Variants in PHF24 observed in about 807,000 individuals in gnomAD.
PHF24 encodes the protein Galpha inhibitory interacting protein.
PHF24 carries 25 observed loss-of-function variants against 42.6 expected under a neutral mutation model. The ratio of observed to expected loss-of-function variants is 0.59; its 90% CI spans 0.43 to 0.82. The LOEUF (loss-of-function observed/expected upper bound fraction) is 0.82, where lower values mean the gene tolerates loss of function less well. Among genes scored for constraint, PHF24 ranks in the 40% least tolerant of loss-of-function variants. PHF24 has a pLI of 0.00. For missense variants in PHF24, 470 were observed against 538.1 expected, an observed-to-expected ratio of 0.87 and a Z score of 1.25; for synonymous variants, 185 against 204.8, an observed-to-expected ratio of 0.90 and a Z score of 0.83.
At chr9:34,928,058 A>G in the PHF24 span, among the ~76,000 whole-genome samples, 242 of 152,214 alleles carry the variant, frequency 1.6e-3, 1 homozygote, top group African/African-American at 5.5e-3. Context: ...TCTACTAAAA[A>G]TACAAAAATT....
chr9:34,977,580 C>G lies in PHF24; in HGVS notation c.1045C>G (p.Pro349Ala), dbSNP rs550720166. The change falls in exon 7 of 8, where the codon CCA becomes GCA. Residue 349 changes from proline to alanine, a missense_variant. Coordinates refer to ENST00000242315, the Ensembl canonical transcript of PHF24. ...TGTGGGTCCCATCGCAGATAGCAGC[C>G]CAGCCAGCAGCAGCAGCAAGAGTCA... 8.7e-5 allele frequency: 140 copies of G among 1,610,254 alleles called. 2 individuals are homozygous for G. In the South Asian group the frequency reaches 1.5e-3, roughly 17 times the overall value.
chr9:34,740,887 TCTC>T, the PHF24 span, among the ~76,000 whole-genome samples: 1 of 151,562 alleles, frequency 6.6e-6, no homozygotes, highest in Non-Finnish European at 1.5e-5. Flanking sequence ...TTTCTCTCTC[TCTC>T]TTTTTTTTTT....
the PHF24 span, among the ~76,000 whole-genome samples, chr9:34,736,364 T>A: frequency 0.025 from 3,822 of 152,294 alleles, 92 homozygotes; most frequent in Non-Finnish European, 0.041. Flanking sequence ...TGGAGTGCAG[T>A]GGCACAATGA....
the PHF24 span, among the ~76,000 whole-genome samples, chr9:34,764,202 G>C: frequency 6.6e-6 from 1 of 152,252 alleles, no homozygotes; most frequent in Admixed American, 6.5e-5. Context: ...TCAGGATGAT[G>C]CTGGCCTCAT....
the PHF24 span, among the ~76,000 whole-genome samples, chr9:34,903,300 T>C: frequency 6.6e-6 from 1 of 152,126 alleles, no homozygotes; most frequent in Admixed American, 6.6e-5. Context: ...AGGACAGTAA[T>C]AAAATAAATT....
chr9:34,910,360 T>C, the PHF24 span, among the ~76,000 whole-genome samples: 4 of 152,174 alleles, frequency 2.6e-5, no homozygotes, highest in Admixed American at 2.0e-4. Flanking sequence ...GTCACTCTGT[T>C]ATTACGTGCA....
At chr9:34,875,070 C>CT in the PHF24 span, among the ~76,000 whole-genome samples, 7 of 152,228 alleles carry the variant, frequency 4.6e-5, no homozygotes, top group African/African-American at 1.4e-4. Flanking sequence ...TTAATTCTAT[C>CT]TTTTTGAACC....
At chr9:34,929,976 A>G in the PHF24 span, among the ~76,000 whole-genome samples, 1 of 152,176 alleles carries the variant, frequency 6.6e-6, no homozygotes, top group Non-Finnish European at 1.5e-5. Context: ...TTTGCATTTC[A>G]TGCTTAATTT....
At chr9:34,823,182 G>A in the PHF24 span, among the ~76,000 whole-genome samples, 8 of 129,564 alleles carry the variant, frequency 6.2e-5, no homozygotes, top group Admixed American at 2.7e-4. Context: ...CGGCCTGGGC[G>A]ACATAGCGAG....
intron 3 of PHF24, 78 bp from the exon 4 acceptor site, chr9:34,976,074 T>A: frequency 1.0e-6 from 1 of 984,484 alleles, no homozygotes; most frequent in East Asian, 2.4e-5. Context: ...CCAGTTGAAA[T>A]TCTATTTCTA....
At chr9:34,896,924 G>C in the PHF24 span, among the ~76,000 whole-genome samples, 1 of 152,108 alleles carries the variant, frequency 6.6e-6, no homozygotes, top group Non-Finnish European at 1.5e-5. Flanking sequence ...GGGAAGCTGA[G>C]GCAGGCGGAT....
chr9:34,932,193 T>C, the PHF24 span, among the ~76,000 whole-genome samples: 1 of 152,306 alleles, frequency 6.6e-6, no homozygotes, highest in Non-Finnish European at 1.5e-5. Context: ...ATAGCCAATA[T>C]TCCCCTGGGC....
chr9:34,851,154 C>T, the PHF24 span, among the ~76,000 whole-genome samples: 1 of 152,148 alleles, frequency 6.6e-6, no homozygotes, highest in African/African-American at 2.4e-5. Flanking sequence ...ACATTTAAGT[C>T]TGCAGAGGTT....
the PHF24 span, among the ~76,000 whole-genome samples, chr9:34,864,660 T>A: frequency 6.6e-6 from 1 of 151,952 alleles, no homozygotes; most frequent in Non-Finnish European, 1.5e-5. Flanking sequence ...AGTACTTCAA[T>A]CAGAAAGAAA....
the PHF24 span, among the ~76,000 whole-genome samples, chr9:34,868,708 A>G: frequency 1.3e-5 from 2 of 152,206 alleles, no homozygotes; most frequent in African/African-American, 4.8e-5. Context: ...AGAGAGAGGT[A>G]AAGGAGGGAG....
chr9:34,721,399 TTCTCTCTCTCTCTC>T, the PHF24 span, among the ~76,000 whole-genome samples: 7 of 139,340 alleles, frequency 5.0e-5, no homozygotes, highest in Admixed American at 1.4e-4. Context: ...TGTCTTTCCA[TTCTCTCTCTCTCTC>T]TCTCTCTCTC....
At chr9:34,939,280 A>AAAT in the PHF24 span, among the ~76,000 whole-genome samples, 5 of 152,304 alleles carry the variant, frequency 3.3e-5, no homozygotes. Flanking sequence ...ACTCCATCTC[A>AAAT]AATAATAATA....
At chr9:34,815,408 C>T in the PHF24 span, among the ~76,000 whole-genome samples, 42 of 152,192 alleles carry the variant, frequency 2.8e-4, no homozygotes, top group African/African-American at 8.9e-4. Flanking sequence ...CTGCGAGCTC[C>T]GCCTCCTGGG....
the PHF24 span, among the ~76,000 whole-genome samples, chr9:34,875,313 T>A: frequency 6.6e-6 from 1 of 152,184 alleles, no homozygotes; most frequent in Non-Finnish European, 1.5e-5. Context: ...GTAACCAACT[T>A]TAAACAAAAT....
Sources: gnomAD v4.1 joint callset for allele counts (sites outside exome capture counted in the v4.1 genomes callset) on GRCh38, gnomAD v4.1.1 for gene constraint, MANE v1.5 for transcripts, NCBI Gene and HGNC (gene_info 2026-07-23, HGNC 2026-07-21) for gene names.